Variants in CMYA5 observed in about 807,000 individuals in gnomAD.
The protein encoded by CMYA5 is cardiomyopathy-associated protein 5.
A neutral mutation model predicts 318.9 loss-of-function variants in CMYA5; 246 were observed. That is an observed-to-expected ratio of 0.77 (90% confidence interval 0.70 to 0.86). CMYA5 has a LOEUF of 0.86. CMYA5 is among the 40% of genes least tolerant of loss of function. The pLI is 0.00. For missense variants in CMYA5, 4,589 were observed against 4,678.2 expected, an observed-to-expected ratio of 0.98 and a Z score of 0.56; for synonymous variants, 1,641 against 1,729.5, an observed-to-expected ratio of 0.95 and a Z score of 1.27.
intron 11 of CMYA5, 47 bp from the exon 12 acceptor site, chr5:79,793,390 G>T (rs1194468052): frequency 1.6e-5 from 25 of 1,551,476 alleles, no homozygotes; most frequent in Non-Finnish European, 2.0e-5. Flanking sequence ...TGAGATACAG[G>T]CCGGCGATTC....
chr5:79,798,025 T>C (rs79888187), intron 12 of CMYA5, among the ~76,000 whole-genome samples: 3,482 of 152,240 alleles, frequency 0.023, 122 homozygotes, highest in African/African-American at 0.078. Context: ...GTCTTGCAGG[T>C]TCCAGAACAT....
At chr5:79,701,263 C>A (rs1282766001) in intron 1 of CMYA5, among the ~76,000 whole-genome samples, 1 of 151,832 alleles carries the variant, frequency 6.6e-6, no homozygotes, top group African/African-American at 2.4e-5. Context: ...AACAAATACA[C>A]TTAGAACAAA....
At position 79,731,872 on chromosome 5, in the gene CMYA5, C is replaced by G; in HGVS notation, c.3107C>G (p.Ser1036Cys). 1 of 1,613,434 alleles carries G rather than the reference C, an allele frequency of 6.2e-7. No homozygotes were observed. Among genetic ancestry groups the G allele is most frequent in the Non-Finnish European group, 8.5e-7 (1 of 1,179,690 alleles). ...LLTAVSASGY[S>C]CFSEADEEDI... ...ACTGCAGTGTCTGCTTCAGGTTATT[C>G]CTGCTTTTCAGAAGCAGATGAGGAA... Residue 1036 changes from serine (S) to cysteine (C), a missense_variant, in exon 2 of 13, where the codon TCC becomes TGC. By Grantham distance (112) the Ser-to-Cys change is moderately radical. Coordinates refer to ENST00000446378, the MANE Select transcript of CMYA5 (RefSeq NM_153610.5).
chr5:79,729,171 C>G lies in CMYA5; in HGVS notation c.406C>G (p.His136Asp). Residue 136 changes from histidine to aspartate, a missense_variant, in exon 2 of 13, where the codon CAT (histidine) becomes GAT (aspartate). This residue lies in a region of CMYA5 where 2,132 missense variants were observed against 2,131.3 expected (regional missense o/e 1.00). Coordinates refer to ENST00000446378, the MANE Select transcript of CMYA5 (RefSeq NM_153610.5). ...DEVKKVRKRT[H>D]KSKHGSPSLR... ...AGTGAAAAAGGTTCGGAAAAGGACT[C>G]ATAAGTCAAAGCATGGTTCACCATC... The G allele has an allele frequency of 6.2e-7, 1 of 1,612,750 alleles. No homozygotes were observed. Among genetic ancestry groups the G allele is most frequent in the African/African-American group, 1.3e-5 (1 of 74,914 alleles).
At chr5:79,714,431 C>CTTTTTCTTTTTTT (rs767402291) in intron 1 of CMYA5, among the ~76,000 whole-genome samples, 29 of 100,684 alleles carry the variant, frequency 2.9e-4, no homozygotes, top group African/African-American at 5.2e-4. Flanking sequence ...TTTTCTTTTT[C>CTTTTTCTTTTTTT]TTTTTTTTTT....
At chr5:79,709,193 A>G (rs1190641972) in intron 1 of CMYA5, among the ~76,000 whole-genome samples, 1 of 152,178 alleles carries the variant, frequency 6.6e-6, no homozygotes, top group Non-Finnish European at 1.5e-5. Context: ...CAAATTAATC[A>G]ACCTCTCTGG....
At chr5:79,728,376 G>A (rs747584015) in intron 1 of CMYA5, among the ~76,000 whole-genome samples, 1 of 151,486 alleles carries the variant, frequency 6.6e-6, no homozygotes, top group Non-Finnish European at 1.5e-5. Flanking sequence ...AAAGCAGGGG[G>A]TGGCATACTG....
chr5:79,724,081 G>A (rs549498278), intron 1 of CMYA5, among the ~76,000 whole-genome samples: 2 of 152,186 alleles, frequency 1.3e-5, no homozygotes, highest in East Asian at 3.9e-4. Context: ...ACTTTGGGAG[G>A]CCGAGGTGGG....
At chr5:79,706,064 C>T (rs868142699) in intron 1 of CMYA5, among the ~76,000 whole-genome samples, 34 of 152,248 alleles carry the variant, frequency 2.2e-4, no homozygotes, top group African/African-American at 7.7e-4. Flanking sequence ...CCAGGTGGAT[C>T]GGCAGGTCGA....
Position 79,797,827 on chromosome 5 carries a change from G to A in CMYA5, c.11964-1543G>A, listed in dbSNP as rs149128351. ...AATGGTGATGTTCTCTGCCACATAC[G>A]GACTTCTTCAGCCACCTTACCATCA... On this transcript the variant is annotated intron_variant, in intron 12 of 12. Coordinates refer to ENST00000446378, the MANE Select transcript of CMYA5 (RefSeq NM_153610.5). Among the ~76,000 whole-genome samples, 4 of 152,148 alleles carry A rather than the reference G, an allele frequency of 2.6e-5. No individual in the cohort carries two copies. In the South Asian group the frequency reaches 6.3e-4, roughly 24 times the overall value.
At chr5:79,771,783 G>T (rs1030409377) in intron 9 of CMYA5, among the ~76,000 whole-genome samples, 3 of 152,170 alleles carry the variant, frequency 2.0e-5, no homozygotes, top group African/African-American at 7.2e-5. Flanking sequence ...TGGAGTGAGG[G>T]TATGGAGTCA....
chr5:79,730,452 A>C lies in CMYA5; in HGVS notation c.1687A>C (p.Ile563Leu), dbSNP rs1341457206. The change falls in exon 2 of 13, where the codon ATT becomes CTT. Residue 563 changes from isoleucine to leucine, a missense_variant. By Grantham distance (5) the Ile-to-Leu change is conservative. This residue lies in a region of CMYA5 where 2,132 missense variants were observed against 2,131.3 expected (regional missense o/e 1.00). Coordinates refer to ENST00000446378, the MANE Select transcript of CMYA5 (RefSeq NM_153610.5). ...AGTGGAGCACAAAGAAGAAGAGCTTATTCTACCATTATTGGCAGCATCATC... is the reference window on the plus strand; with the variant it reads ...AGTGGAGCACAAAGAAGAAGAGCTTCTTCTACCATTATTGGCAGCATCATC... ...PEVEHKEEEL[I>L]LPLLAASSPE... 6 of 1,613,750 alleles carry C rather than the reference A, an allele frequency of 3.7e-6. No homozygotes were observed. The Admixed American group carries it at 6.7e-5, about 18-fold the overall frequency.
Position 79,743,891 on chromosome 5 carries a change from G to A in CMYA5, c.10703G>A (p.Ser3568Asn). 15 of 1,546,334 alleles carry A rather than the reference G, an allele frequency of 9.7e-6. No individual in the cohort carries two copies. Among genetic ancestry groups the A allele is most frequent in the Non-Finnish European group, 1.3e-5 (15 of 1,143,530 alleles). The change falls in exon 3 of 13, where the codon AGT (serine) becomes AAT (asparagine). Residue 3568 changes from serine (S) to asparagine (N), a missense_variant. Physicochemically the swap from Ser to Asn is conservative, Grantham distance 46 (BLOSUM62 1). This residue lies in a region of CMYA5 where 2,431 missense variants were observed against 2,495.1 expected (regional missense o/e 0.97). Transcript: ENST00000446378. The part of the protein sequence containing the change: ...EKSLRIEAFV[S>N]EIESFFNTIE... ...TCCTTGAGGATTGAAGCCTTTGTTA[G>A]TGAGATAGAATCCTTTTTTAATACC...
intron 1 of CMYA5, among the ~76,000 whole-genome samples, chr5:79,719,529 C>T (rs953696394): frequency 6.6e-6 from 1 of 152,002 alleles, no homozygotes; most frequent in African/African-American, 2.4e-5. Context: ...TAATACAACT[C>T]ACAAAAAACA....
At position 79,731,710 on chromosome 5, in the gene CMYA5, C is replaced by T. The variant is rs757881165; in HGVS notation, c.2945C>T (p.Ser982Phe). The change falls in exon 2 of 13, where the codon TCT becomes TTT. Residue 982 changes from serine to phenylalanine, a missense_variant. This residue lies in a region of CMYA5 where 2,132 missense variants were observed against 2,131.3 expected (regional missense o/e 1.00). Coordinates refer to ENST00000446378, the MANE Select transcript of CMYA5 (RefSeq NM_153610.5). ...CDSPICLTSP[S>F]EHTILSDEDT... is the part of the protein sequence containing the mutation. Reference sequence around the variant, plus strand: ...TCTCCAATATGTTTAACATCACCATCTGAGCACACTATTTTGTCAGATGAA... The same window carrying T: ...TCTCCAATATGTTTAACATCACCATTTGAGCACACTATTTTGTCAGATGAA... 6.2e-7 allele frequency: 1 copy of T among 1,613,952 alleles called. No individual in the cohort carries two copies.
chr5:79,798,521 C>T (rs1056907906), intron 12 of CMYA5, among the ~76,000 whole-genome samples: 2 of 152,152 alleles, frequency 1.3e-5, no homozygotes. Flanking sequence ...TGAACCTTTC[C>T]CTTCACAACC....
chr5:79,754,540 T>G (rs1828492046), intron 6 of CMYA5, among the ~76,000 whole-genome samples: 1 of 152,142 alleles, frequency 6.6e-6, no homozygotes, highest in Admixed American at 6.5e-5. Context: ...GAGTTTGGCT[T>G]CAGAGTCTGC....
In CMYA5 at chr5:79,733,100, TG is replaced by T; in HGVS notation, c.4336del (p.Asp1446IlefsTer9). The part of the protein sequence containing the change: ...WSEAEKEIKF[D>X]SLPSVSSIAE... ...CAGAAGCAGAGAAGGAAATTAAATT[TG>T]ATTCACTTCCAAGTGTCTCCTCTAT... On this transcript the variant is annotated frameshift_variant, in exon 2 of 13. Transcript: ENST00000446378. LOFTEE classifies it high-confidence loss of function. 6.2e-7 allele frequency: 1 copy of T among 1,613,762 alleles called. No individual in the cohort carries two copies. Among genetic ancestry groups the T allele is most frequent in the Non-Finnish European group, 8.5e-7 (1 of 1,179,824 alleles).
Position 79,731,096 on chromosome 5 carries a change from C to A in CMYA5, c.2331C>A (p.His777Gln), listed in dbSNP as rs373891874. Reference sequence around the variant, plus strand: ...TGCCTTCTACTGCCACATCAGAACACGTGGTCCCATCAGAAGGAGAGGACC... The same window carrying A: ...TGCCTTCTACTGCCACATCAGAACAAGTGGTCCCATCAGAAGGAGAGGACC... ...SPLPSTATSE[H>Q]VVPSEGEDLG... Residue 777 changes from histidine to glutamine, a missense_variant, in exon 2 of 13, where the codon CAC (histidine) becomes CAA (glutamine). By Grantham distance (24) the His-to-Gln change is conservative. Coordinates refer to ENST00000446378, the MANE Select transcript of CMYA5 (RefSeq NM_153610.5). 6.2e-7 allele frequency: 1 copy of A among 1,614,016 alleles called. No homozygotes were observed. The highest frequency in any genetic ancestry group is 8.5e-7 in the Non-Finnish European group (1 of 1,179,896).
Sources: allele counts gnomAD v4.1 joint callset (sites outside exome capture counted in the v4.1 genomes callset), GRCh38; gene constraint gnomAD v4.1.1; regional missense constraint gnomAD v4.1.1; transcripts MANE v1.5; gene names NCBI Gene and HGNC (gene_info 2026-07-23, HGNC 2026-07-21).